The following GUCY2C variants were observed in gnomAD, a reference collection of about 807,000 sequenced individuals.
GUCY2C encodes guanylyl cyclase C.
GUCY2C carries 118 observed loss-of-function variants against 131.1 expected under a neutral mutation model. That is an observed-to-expected ratio of 0.90 (90% CI 0.78 to 1.05). The LOEUF (loss-of-function observed/expected upper bound fraction) is 1.05, where lower values mean the gene tolerates loss of function less well. GUCY2C is among the 50% of genes least tolerant of loss of function. The pLI, the probability that GUCY2C is intolerant of heterozygous loss-of-function variation, is 0.00. For synonymous variants in GUCY2C, 452 were observed against 457.8 expected (o/e 0.99, Z 0.16); for missense variants, 1,161 against 1,304.4 (o/e 0.89, Z 1.69).
rs148704862 is a variant in GUCY2C, at chr12:14,661,110, G to A, written c.1283-48C>T. ...AAGGACCTTAGACAAGAGAGCAAAA[G>A]CATTTCCAAGATTCTAGCTGTACAA... On this transcript the variant is annotated intron_variant, in intron 10 of 26. Coordinates refer to ENST00000261170, the MANE Select transcript of GUCY2C (RefSeq NM_004963.4). 2.1e-3 allele frequency: 2,409 copies of A among 1,129,614 alleles called. 29 individuals are homozygous for A. The highest frequency in any genetic ancestry group is 0.016 in the South Asian group (1,337 of 81,040). 70.0% of individuals were successfully genotyped at this position (1,129,614 alleles called of 1,614,324 possible).
At chr12:14,631,467 G>A (rs978462741) in intron 19 of GUCY2C, among the ~76,000 whole-genome samples, 2 of 150,612 alleles carry the variant, frequency 1.3e-5, no homozygotes, top group Non-Finnish European at 2.9e-5. Flanking sequence ...ACCTATGAAT[G>A]AGAACATGCG....
At chr12:14,676,427 G>T (rs1948236812) in intron 7 of GUCY2C, among the ~76,000 whole-genome samples, 1 of 152,206 alleles carries the variant, frequency 6.6e-6, no homozygotes, top group African/African-American at 2.4e-5. Flanking sequence ...ATTTCTAAAG[G>T]TAGGATTTTA....
Position 14,669,770 on chromosome 12 carries a change from T to G in GUCY2C, c.1234A>C (p.Thr412Pro), listed in dbSNP as rs1281624435. 6.2e-7 allele frequency: 1 copy of G among 1,607,586 alleles called. No individual in the cohort carries two copies. Among genetic ancestry groups the G allele is most frequent in the Non-Finnish European group, 8.5e-7 (1 of 1,174,794 alleles). The change falls in exon 10 of 27, where the codon ACA becomes CCA. Residue 412 changes from threonine (T) to proline (P), a missense_variant. Coordinates refer to ENST00000261170, the MANE Select transcript of GUCY2C (RefSeq NM_004963.4). Reference protein sequence around the residue: ...NKTYPVDMSPTFTWKNSKLPN... With the variant: ...NKTYPVDMSPPFTWKNSKLPN... ...AGTTTAGAGTTCTTCCAAGTGAATG[T>G]GGGGCTCATATCCACAGGATAGGTC...
intron 1 of GUCY2C, among the ~76,000 whole-genome samples, chr12:14,689,277 T>G (rs543328476): frequency 1.3e-5 from 2 of 152,256 alleles, no homozygotes; most frequent in East Asian, 3.9e-4. Flanking sequence ...GCCAATATTT[T>G]TGGCCTGAGC....
intron 9 of GUCY2C, among the ~76,000 whole-genome samples, chr12:14,671,389 C>T (rs1365295893): frequency 1.3e-5 from 2 of 152,112 alleles, no homozygotes; most frequent in Non-Finnish European, 2.9e-5. Context: ...CCGCCTGCCT[C>T]GGCCTCCAAA....
At chr12:14,660,503 T>C (rs1255687830) in intron 11 of GUCY2C, among the ~76,000 whole-genome samples, 2 of 152,192 alleles carry the variant, frequency 1.3e-5, no homozygotes, top group East Asian at 1.9e-4. Context: ...CAGGCTAAAA[T>C]AGGAGATTTG....
chr12:14,675,207 C>CAAAAAAAAAAAAAAAAAA (rs35870014), intron 7 of GUCY2C, among the ~76,000 whole-genome samples: 6 of 34,764 alleles, frequency 1.7e-4, no homozygotes, highest in African/African-American at 2.4e-4. Context: ...AACTCCATCT[C>CAAAAAAAAAAAAAAAAAA]AAAAAAAAAA....
At chr12:14,621,913 G>T in intron 22 of GUCY2C, 92 bp downstream of exon 22, 1 of 795,348 alleles carries the variant, frequency 1.3e-6, no homozygotes, top group Non-Finnish European at 2.0e-6. Flanking sequence ...AAACTAGAGC[G>T]GTCAAGAGTA....
chr12:14,667,859 A>C (rs1948013134), intron 10 of GUCY2C, among the ~76,000 whole-genome samples: 1 of 152,148 alleles, frequency 6.6e-6, no homozygotes, highest in African/African-American at 2.4e-5. Context: ...TGTTTTACAA[A>C]GTTAGAATCT....
chr12:14,695,341 C>T (rs1002439727), intron 1 of GUCY2C, among the ~76,000 whole-genome samples: 1 of 151,976 alleles, frequency 6.6e-6, no homozygotes, highest in Non-Finnish European at 1.5e-5. Flanking sequence ...TGAAGAACTG[C>T]AACAATGAAT....
At chr12:14,650,897 G>T (rs1239050128) in intron 15 of GUCY2C, among the ~76,000 whole-genome samples, 1 of 152,112 alleles carries the variant, frequency 6.6e-6, no homozygotes, top group Non-Finnish European at 1.5e-5. Context: ...ATACCGCATA[G>T]TATGAAAGCT....
intron 9 of GUCY2C, among the ~76,000 whole-genome samples, chr12:14,671,764 A>G (rs1288423819): frequency 6.6e-6 from 1 of 152,238 alleles, no homozygotes; most frequent in Non-Finnish European, 1.5e-5. Context: ...ATCATCCCAG[A>G]TGCAAATAAC....
intron 19 of GUCY2C, among the ~76,000 whole-genome samples, chr12:14,634,525 A>G (rs1197903552): frequency 6.6e-6 from 1 of 152,246 alleles, no homozygotes; most frequent in East Asian, 1.9e-4. Flanking sequence ...ACCACAAACC[A>G]TAATGAAAAA....
intron 15 of GUCY2C, among the ~76,000 whole-genome samples, chr12:14,650,464 T>C (rs1391901670): frequency 6.6e-6 from 1 of 152,180 alleles, no homozygotes; most frequent in Non-Finnish European, 1.5e-5. Flanking sequence ...GCCAAGATGG[T>C]CTCGATCTCC....
intron 24 of GUCY2C, 59 bp from the exon 25 acceptor site, chr12:14,616,786 G>A (rs1015285866): frequency 4.8e-5 from 44 of 917,012 alleles, no homozygotes; most frequent in Admixed American, 1.9e-4. Context: ...TTTGTTTCCC[G>A]TTGATTCAGG....
At chr12:14,629,059 G>A (rs543350501) in intron 19 of GUCY2C, among the ~76,000 whole-genome samples, 6 of 152,184 alleles carry the variant, frequency 3.9e-5, no homozygotes, top group Non-Finnish European at 8.8e-5. Flanking sequence ...TAGTGAAGGT[G>A]TGGCAGGCCT....
At chr12:14,631,736 G>GT (rs1437347543) in intron 19 of GUCY2C, among the ~76,000 whole-genome samples, 7 of 147,956 alleles carry the variant, frequency 4.7e-5, no homozygotes, top group African/African-American at 1.8e-4. Flanking sequence ...AGTCCTTTGG[G>GT]TATATACCCA....
chr12:14,666,148 C>T (rs1470180146), intron 10 of GUCY2C: 1 of 152,230 alleles, frequency 6.6e-6, no homozygotes, highest in African/African-American at 2.4e-5. Context: ...TTTACATAGC[C>T]CTGAAGAAAC....
intron 5 of GUCY2C, among the ~76,000 whole-genome samples, chr12:14,679,998 A>G (rs1430378345): frequency 6.6e-6 from 1 of 152,098 alleles, no homozygotes; most frequent in Non-Finnish European, 1.5e-5. Flanking sequence ...TATAGATTTA[A>G]GGAGGCTGAA....
Sources: gnomAD v4.1 joint callset for allele counts (sites outside exome capture counted in the v4.1 genomes callset) on GRCh38, gnomAD v4.1.1 for gene constraint, MANE v1.5 for transcripts, NCBI Gene and HGNC (gene_info 2026-07-23, HGNC 2026-07-21) for gene names.